The following LCE3E variants were observed in gnomAD, a reference collection of about 807,000 sequenced individuals.
LCE3E encodes late cornified envelope 3E.
For synonymous variants in LCE3E, 40 were observed against 47.0 expected, an observed-to-expected ratio of 0.85 and a Z score of 0.61; for missense variants, 133 against 120.0, an observed-to-expected ratio of 1.11 and a Z score of -0.51.
In LCE3E at chr1:152,566,056, G is replaced by A; in HGVS notation, c.153C>T (p.Gly51=). The change falls in exon 2 of 2, where the codon GGC becomes GGT. Residue 51 remains glycine, a synonymous_variant. Transcript: ENST00000368789. ...GGCGCCTGTGGTGGTTCAGGAAGCA[G>A]CCGCCCTCGGAGCTAGGGCCACAGC... is the stretch of plus-strand genomic sequence containing the variant. The part of the protein sequence containing the change: ...SGGCGPSSEG[G]CFLNHHRRHH... 6.2e-7 allele frequency: 1 copy of A among 1,613,802 alleles called. No individual in the cohort carries two copies. The highest frequency in any genetic ancestry group is 1.3e-5 in the African/African-American group (1 of 75,024).
chr1:152,566,281 T>G, intron 1 of LCE3E, 52 bp from the exon 2 acceptor site: 2 of 1,557,164 alleles, frequency 1.3e-6, no homozygotes, highest in Non-Finnish European at 1.7e-6. Flanking sequence ...CCAACGTCTC[T>G]AAGACCAGCT....
At position 152,566,007 on chromosome 1, in the gene LCE3E, A is replaced by G. The variant is rs139732043; in HGVS notation, c.202T>C (p.Ser68Pro). ...RRHHRCRRQR[S>P]NSCDRGSGQQ... The stretch of plus-strand genomic sequence containing the variant: ...CCACTGCCCCTGTCACAGGAGTTGG[A>G]CCTCTGGCGCCGGCATCGGTGGTGG... Residue 68 changes from serine to proline, a missense_variant, in exon 2 of 2, where the codon TCC (serine) becomes CCC (proline). Transcript: ENST00000368789. 270 of 1,613,526 alleles carry G rather than the reference A, an allele frequency of 1.7e-4. 2 individuals carry two copies. The African/African-American group carries it at 2.3e-3, about 14-fold the overall frequency.
rs745567621 is a variant in LCE3E at position 152,566,256 on chromosome 1, T to C, written c.-21-27A>G. On this transcript the variant is annotated intron_variant, in intron 1 of 1. Transcript: ENST00000368789. ...TGGAGAAAACGAAGCCACTTCTTAG[T>C]TCAAAATCTACAGTCCAACGTCTCT... The C allele has an allele frequency of 2.5e-6, 4 of 1,603,370 alleles. No individual in the cohort carries two copies. The South Asian group carries it at 3.4e-5, about 14-fold the overall frequency.
chr1:152,566,295 T>A, intron 1 of LCE3E, 66 bp from the exon 2 acceptor site: 1 of 1,523,720 alleles, frequency 6.6e-7, no homozygotes, highest in Non-Finnish European at 8.9e-7. Context: ...ACCAGCTGCC[T>A]CCTGAGGCAA....
Position 152,565,991 on chromosome 1 carries a change from C to A in LCE3E, c.218G>T (p.Arg73Met). 1 of 1,613,824 alleles carries A rather than the reference C, an allele frequency of 6.2e-7. No individual in the cohort carries two copies. The highest frequency in any genetic ancestry group is 1.1e-5 in the South Asian group (1 of 91,070). ...CRRQRSNSCD[R>M]GSGQQGGGSG... Reference sequence around the variant, plus strand: ...GCCCCCGCCTTGCTGACCACTGCCCCTGTCACAGGAGTTGGACCTCTGGCG... The same window carrying A: ...GCCCCCGCCTTGCTGACCACTGCCCATGTCACAGGAGTTGGACCTCTGGCG... The change falls in exon 2 of 2, where the codon AGG becomes ATG. Residue 73 changes from arginine (R) to methionine (M), a missense_variant. Arg to Met is a moderately conservative substitution (Grantham distance 91, BLOSUM62 -1). Transcript: ENST00000368789.
Position 152,565,861 on chromosome 1 carries a change from G to C in LCE3E, c.*69C>G, listed in dbSNP as rs1215247741. 1 of 1,577,224 alleles carries C rather than the reference G, an allele frequency of 6.3e-7. No individual in the cohort carries two copies. Among genetic ancestry groups the C allele is most frequent in the Non-Finnish European group, 8.6e-7 (1 of 1,161,522 alleles). On this transcript the variant is annotated 3_prime_UTR_variant, in exon 2 of 2. Transcript: ENST00000368789. ...TATATGGGAAGGCATGCGTCAGATG[G>C]GGCTGTTCTTGGCCTCTTGGGATTC...
In LCE3E at chr1:152,566,146, ACACTTGGGTGAGGGG is replaced by A. The variant is rs953554022; in HGVS notation, c.48_62del (p.Ser18_Pro22del). 3 of 1,613,732 alleles carry A rather than the reference ACACTTGGGTGAGGGG, an allele frequency of 1.9e-6. No individual in the cohort carries two copies. Among genetic ancestry groups the A allele is most frequent in the Admixed American group, 3.4e-5 (2 of 59,672 alleles). On this transcript the variant is annotated inframe_deletion, in exon 2 of 2. Transcript: ENST00000368789. ...GACACTGTACTGGGTTCTTTGGGGG[ACACTTGGGTGAGGGG>A]CACTTGGGTGGGGGTTGGCACTGCT...
chr1:152,566,322 A>C, intron 1 of LCE3E, 93 bp from the exon 2 acceptor site: 1 of 1,339,440 alleles, frequency 7.5e-7, no homozygotes, highest in Non-Finnish European at 1.0e-6. Context: ...CAAGAGGGTG[A>C]GGGAAGCTGA....
Position 152,566,128 on chromosome 1 carries a change from T to C in LCE3E, c.81A>G (p.Val27=). ...CAGAGGAAGCTGGAGGCAGACACTG[T>C]ACTGGGTTCTTTGGGGGACACTTGG... ...PSPKCPPKNP[V]QCLPPASSGC... Residue 27 remains valine, a synonymous_variant, in exon 2 of 2, where the codon GTA becomes GTG. Transcript: ENST00000368789. 3 of 1,613,866 alleles carry C rather than the reference T, an allele frequency of 1.9e-6. No homozygotes were observed. Among genetic ancestry groups the C allele is most frequent in the Non-Finnish European group, 2.5e-6 (3 of 1,180,030 alleles).
Position 152,565,985 on chromosome 1 carries a change from C to T in LCE3E, c.224G>A (p.Ser75Asn). The change falls in exon 2 of 2, where the codon AGT (serine) becomes AAT (asparagine). Residue 75 changes from serine (S) to asparagine (N), a missense_variant. Coordinates refer to ENST00000368789, the MANE Select transcript of LCE3E (RefSeq NM_178435.4). Reference sequence around the variant, plus strand: ...GCCAGAGCCCCCGCCTTGCTGACCACTGCCCCTGTCACAGGAGTTGGACCT... The same window carrying T: ...GCCAGAGCCCCCGCCTTGCTGACCATTGCCCCTGTCACAGGAGTTGGACCT... ...RQRSNSCDRG[S>N]GQQGGGSGCC... 6.2e-7 allele frequency: 1 copy of T among 1,613,848 alleles called. No individual in the cohort carries two copies. The highest frequency in any genetic ancestry group is 8.5e-7 in the Non-Finnish European group (1 of 1,180,034).
Position 152,565,809 on chromosome 1 carries a change from G to T in LCE3E, c.*121C>A. ...CAGATCCCCCACAGGAAAACCTCCA[G>T]CTCAGCCTGTGAAAGTCAGAAGAGG... On this transcript the variant is annotated 3_prime_UTR_variant, in exon 2 of 2. Transcript: ENST00000368789. 1 of 1,440,814 alleles carries T rather than the reference G, an allele frequency of 6.9e-7. No homozygotes were observed. The highest frequency in any genetic ancestry group is 9.4e-7 in the Non-Finnish European group (1 of 1,066,510). The allele number at this position is 1,440,814 out of a possible 1,614,324, so 89.3% of individuals were successfully genotyped here. A position where few individuals can be genotyped will look rare whatever the true frequency, so the allele number is the denominator to read the frequency against.
At position 152,566,193 on chromosome 1, in the gene LCE3E, T is replaced by C; in HGVS notation, c.16A>G (p.Asn6Asp). 3 of 1,613,754 alleles carry C rather than the reference T, an allele frequency of 1.9e-6. No homozygotes were observed. The highest frequency in any genetic ancestry group is 1.7e-6 in the Non-Finnish European group (2 of 1,180,004). Residue 6 changes from asparagine to aspartate, a missense_variant, in exon 2 of 2, where the codon AAC (asparagine) becomes GAC (aspartate). Transcript: ENST00000368789. MSCQQ[N>D]QKQCQPPPKC... is the part of the protein sequence containing the mutation. ...GGTGGGGGTTGGCACTGCTTCTGGT[T>C]CTGCTGGCAGGACATCTTGGCAGGA...
At chr1:152,566,316 A>C in intron 1 of LCE3E, 87 bp from the exon 2 acceptor site, 1 of 1,391,930 alleles carries the variant, frequency 7.2e-7, no homozygotes, top group South Asian at 1.4e-5. Flanking sequence ...GAGCTGCAAG[A>C]GGGTGAGGGA....
At position 152,566,174 on chromosome 1, in the gene LCE3E, G is replaced by C. The variant is rs1557780492; in HGVS notation, c.35C>G (p.Pro12Arg). 1 of 1,613,708 alleles carries C rather than the reference G, an allele frequency of 6.2e-7. No individual in the cohort carries two copies. Among genetic ancestry groups the C allele is most frequent in the Non-Finnish European group, 8.5e-7 (1 of 1,180,048 alleles). The change falls in exon 2 of 2, where the codon CCC becomes CGC. Residue 12 changes from proline to arginine, a missense_variant. Coordinates refer to ENST00000368789, the MANE Select transcript of LCE3E (RefSeq NM_178435.4). ...SCQQNQKQCQ[P>R]PPKCPSPKCP... Reference sequence around the variant, plus strand: ...CTTGGGTGAGGGGCACTTGGGTGGGGGTTGGCACTGCTTCTGGTTCTGCTG... The same window carrying C: ...CTTGGGTGAGGGGCACTTGGGTGGGCGTTGGCACTGCTTCTGGTTCTGCTG...
At chr1:152,566,363 C>T (rs1418890773) in intron 1 of LCE3E, 134 bp from the exon 2 acceptor site, 8 of 906,432 alleles carry the variant, frequency 8.8e-6, no homozygotes, top group Non-Finnish European at 1.3e-5. Context: ...CCAGATACTT[C>T]TCACATTGCT....
Position 152,565,978 on chromosome 1 carries a change from C to A in LCE3E, c.231G>T (p.Gln77His). The change falls in exon 2 of 2, where the codon CAG (glutamine) becomes CAT (histidine). Residue 77 changes from glutamine to histidine, a missense_variant. Gln to His is a conservative substitution (Grantham distance 24). Coordinates refer to ENST00000368789, the MANE Select transcript of LCE3E (RefSeq NM_178435.4). ...GGCAGCAGCCAGAGCCCCCGCCTTG[C>A]TGACCACTGCCCCTGTCACAGGAGT... ...RSNSCDRGSG[Q>H]QGGGSGCCHG... is the part of the protein sequence containing the mutation. 1.2e-6 allele frequency: 2 copies of A among 1,613,808 alleles called. No homozygotes were observed. The highest frequency in any genetic ancestry group is 1.7e-4 in the Middle Eastern group (1 of 6,060).
At chr1:152,566,347 G>T (rs1659923039) in intron 1 of LCE3E, 118 bp from the exon 2 acceptor site, 1 of 1,034,174 alleles carries the variant, frequency 9.7e-7, no homozygotes, top group Non-Finnish European at 1.4e-6. Flanking sequence ...GAGCTGGTGG[G>T]ATATGCCAGA....
chr1:152,566,102 C>G lies in LCE3E; in HGVS notation c.107G>C (p.Gly36Ala). 1.9e-6 allele frequency: 3 copies of G among 1,613,812 alleles called. No homozygotes were observed. The highest frequency in any genetic ancestry group is 2.5e-6 in the Non-Finnish European group (3 of 1,180,024). The change falls in exon 2 of 2, where the codon GGC becomes GCC. Residue 36 changes from glycine (G) to alanine (A), a missense_variant. Coordinates refer to ENST00000368789, the MANE Select transcript of LCE3E (RefSeq NM_178435.4). Reference sequence around the variant, plus strand: ...ACAGCCCCCAGAGCTTGGGGCACAGCCAGAGGAAGCTGGAGGCAGACACTG... The same window carrying G: ...ACAGCCCCCAGAGCTTGGGGCACAGGCAGAGGAAGCTGGAGGCAGACACTG... The part of the protein sequence containing the change: ...PVQCLPPASS[G>A]CAPSSGGCGP...
chr1:152,566,075 C>CCACAGCCCCCAGAGCTTGGGG lies in LCE3E; in HGVS notation c.113_133dup (p.Ala38_Cys44dup). On this transcript the variant is annotated inframe_insertion, in exon 2 of 2. Coordinates refer to ENST00000368789, the MANE Select transcript of LCE3E (RefSeq NM_178435.4). Reference sequence around the variant, plus strand: ...GAAGCAGCCGCCCTCGGAGCTAGGGCCACAGCCCCCAGAGCTTGGGGCACA... The same window carrying CCACAGCCCCCAGAGCTTGGGG: ...GAAGCAGCCGCCCTCGGAGCTAGGGCCACAGCCCCCAGAGCTTGGGGCACAGCCCCCAGAGCTTGGGGCACA... The CCACAGCCCCCAGAGCTTGGGG allele has an allele frequency of 6.2e-7, 1 of 1,613,810 alleles. No homozygotes were observed. Among genetic ancestry groups the CCACAGCCCCCAGAGCTTGGGG allele is most frequent in the Non-Finnish European group, 8.5e-7 (1 of 1,180,038 alleles).
Sources: allele counts gnomAD v4.1 joint callset, GRCh38; gene constraint gnomAD v4.1.1; transcripts MANE v1.5; gene names NCBI Gene and HGNC (gene_info 2026-07-23, HGNC 2026-07-21).